The following BDP1 variants were observed in gnomAD, a reference collection of about 807,000 sequenced individuals.
The protein encoded by BDP1 is transcription factor TFIIIB component B'' homolog.
In BDP1, 169 loss-of-function variants were observed where a neutral mutation model predicts 266.6. The observed-to-expected ratio is 0.63, with a 90% CI of 0.56 to 0.72. The LOEUF (loss-of-function observed/expected upper bound fraction) is 0.72. BDP1 is among the 30% of genes least tolerant of loss of function. The pLI is 0.00. For synonymous variants in BDP1, 1,090 were observed against 1,022.4 expected (o/e 1.07, Z -1.26); for missense variants, 3,015 against 3,053.8 (o/e 0.99, Z 0.30).
intron 10 of BDP1, 152 bp from the exon 11 acceptor site, chr5:71,490,832 G>A: frequency 1.5e-6 from 1 of 656,068 alleles, no homozygotes; most frequent in Non-Finnish European, 2.3e-6. Context: ...TTTTTATTAT[G>A]GTCTAAAAAT....
At chr5:71,574,359 C>G in the BDP1 span, among the ~76,000 whole-genome samples, 1 of 152,302 alleles carries the variant, frequency 6.6e-6, no homozygotes, top group Non-Finnish European at 1.5e-5. Flanking sequence ...AATGGCACCC[C>G]CCTGTCAGGA....
chr5:71,525,163 C>T (rs938943128), intron 25 of BDP1, among the ~76,000 whole-genome samples: 11 of 152,202 alleles, frequency 7.2e-5, no homozygotes, highest in South Asian at 2.1e-4. Context: ...ACCTCGCAGA[C>T]GGGGTGGTGG....
chr5:71,545,122 C>T lies in BDP1; in HGVS notation c.6647C>T (p.Thr2216Ile). 1 of 1,613,744 alleles carries T rather than the reference C, an allele frequency of 6.2e-7. No individual in the cohort carries two copies. The highest frequency in any genetic ancestry group is 1.1e-5 in the South Asian group (1 of 91,054). Residue 2216 changes from threonine to isoleucine, a missense_variant, in exon 32 of 39, where the codon ACA (threonine) becomes ATA (isoleucine). Coordinates refer to ENST00000358731, the MANE Select transcript of BDP1 (RefSeq NM_018429.3). Reference protein sequence around the residue: ...PVASSETGPCTLGLDRGLGEN... With the variant: ...PVASSETGPCILGLDRGLGEN... ...GCTTCCTCTGAGACAGGGCCCTGCACACTTGGTTTGGATAGGGGTCTTGGT... is the reference window on the plus strand; with the variant it reads ...GCTTCCTCTGAGACAGGGCCCTGCATACTTGGTTTGGATAGGGGTCTTGGT...
chr5:71,461,956 C>CTTT, intron 3 of BDP1, 30 bp downstream of exon 3: 1 of 725,310 alleles, frequency 1.4e-6, no homozygotes, highest in Admixed American at 2.7e-5. Context: ...GCTTTACTAT[C>CTTT]TCTTTTTTTT....
At chr5:71,493,914 A>G (rs977582063) in intron 11 of BDP1, among the ~76,000 whole-genome samples, 2 of 152,240 alleles carry the variant, frequency 1.3e-5, no homozygotes, top group African/African-American at 4.8e-5. Flanking sequence ...TTGTGTTACC[A>G]TATCCGCTAA....
chr5:71,516,330 T>C, intron 21 of BDP1, 59 bp downstream of exon 21: 1 of 1,279,030 alleles, frequency 7.8e-7, no homozygotes. Flanking sequence ...TGTCAAGTTA[T>C]AGCTCAGACA....
chr5:71,536,509 A>G (rs896603516), intron 26 of BDP1, among the ~76,000 whole-genome samples: 3 of 152,212 alleles, frequency 2.0e-5, no homozygotes, highest in African/African-American at 7.2e-5. Flanking sequence ...AGCCATGATC[A>G]AGGAGTGGTT....
At chr5:71,460,876 A>G (rs1457652814) in intron 2 of BDP1, among the ~76,000 whole-genome samples, 12 of 47,320 alleles carry the variant, frequency 2.5e-4, no homozygotes, top group Non-Finnish European at 5.6e-5. Flanking sequence ...ACTACAGGGT[A>G]AAAAAAAAGC....
At chr5:71,571,290 G>A (rs531323150), downstream of BDP1, among the ~76,000 whole-genome samples, 5 of 152,126 alleles carry the variant, frequency 3.3e-5, no homozygotes, top group Non-Finnish European at 7.4e-5. Flanking sequence ...GACTATAGGT[G>A]CATGCCACCG....
rs1744118142 is a variant in BDP1 at position 71,567,779 on chromosome 5, T to C, written c.*2894T>C. 2 of 152,266 alleles carry C rather than the reference T, an allele frequency of 1.3e-5. No individual in the cohort carries two copies. Among genetic ancestry groups the C allele is most frequent in the Non-Finnish European group, 2.9e-5 (2 of 67,948 alleles). 9.4% of individuals were successfully genotyped at this position (152,266 alleles called of 1,614,324 possible). On this transcript the variant is annotated 3_prime_UTR_variant, in exon 39 of 39. Coordinates refer to ENST00000358731, the MANE Select transcript of BDP1 (RefSeq NM_018429.3). ...TTTCTTGTTCTAAAGAAAGCAGTTA[T>C]ATATATATATAAATTATGTAAATAA...
intron 25 of BDP1, among the ~76,000 whole-genome samples, chr5:71,530,197 T>A (rs879723047): frequency 7.9e-5 from 12 of 152,156 alleles, no homozygotes; most frequent in African/African-American, 2.2e-4. Flanking sequence ...ATCTGAACTT[T>A]AAAATTTTTT....
chr5:71,497,608 A>G (rs560402781), intron 13 of BDP1, among the ~76,000 whole-genome samples, 182 bp downstream of exon 13: 1 of 152,348 alleles, frequency 6.6e-6, no homozygotes, highest in South Asian at 2.1e-4. Flanking sequence ...CATTTTCTTT[A>G]ACCTGGGATG....
chr5:71,519,272 G>T (rs989289753), intron 22 of BDP1, among the ~76,000 whole-genome samples: 8 of 146,350 alleles, frequency 5.5e-5, no homozygotes, highest in Middle Eastern at 7.0e-3. Context: ...TACCAGATCA[G>T]AGTAACTGGG....
intron 25 of BDP1, among the ~76,000 whole-genome samples, chr5:71,526,590 T>C (rs1375481631): frequency 1.8e-5 from 2 of 113,846 alleles, no homozygotes; most frequent in Non-Finnish European, 3.3e-5. Context: ...CACTCCAGCC[T>C]GGGAGACAGA....
In BDP1 at chr5:71,564,944, A is replaced by G; in HGVS notation, c.*59A>G. ...GTCTAGGATTTCCAGAGTCAATTAC[A>G]TCAACAAAACAGTATTTAGAGCAAA... On this transcript the variant is annotated 3_prime_UTR_variant, in exon 39 of 39. Coordinates refer to ENST00000358731, the MANE Select transcript of BDP1 (RefSeq NM_018429.3). The G allele has an allele frequency of 6.7e-7, 1 of 1,483,224 alleles. No individual in the cohort carries two copies. Among genetic ancestry groups the G allele is most frequent in the Non-Finnish European group, 9.1e-7 (1 of 1,095,366 alleles). The allele number at this position is 1,483,224 out of a possible 1,614,324, so 91.9% of individuals were successfully genotyped here.
chr5:71,505,826 A>G (rs2150455878), intron 16 of BDP1, among the ~76,000 whole-genome samples: 2 of 152,150 alleles, frequency 1.3e-5, no homozygotes, highest in South Asian at 4.2e-4. Context: ...GGGCCACTTT[A>G]CTCCAGCCAG....
In BDP1 at chr5:71,497,359, C is replaced by T. The variant is rs1466722205; in HGVS notation, c.1889C>T (p.Ser630Leu). 3 of 1,613,740 alleles carry T rather than the reference C, an allele frequency of 1.9e-6. No homozygotes were observed. ...AATTTGTCAAGGGCTGGGAAGAAAT[C>T]AGTTCTTTCACAAGGCAAAACAGAG... ...KPNLSRAGKK[S>L]VLSQGKTESE... Residue 630 changes from serine to leucine, a missense_variant, in exon 13 of 39, where the codon TCA (serine) becomes TTA (leucine). Ser to Leu is a moderately radical substitution (Grantham distance 145). This residue lies in a region of BDP1 where 2,383 missense variants were observed against 2,404.9 expected (regional missense o/e 0.99). Coordinates refer to ENST00000358731, the MANE Select transcript of BDP1 (RefSeq NM_018429.3).
intron 32 of BDP1, among the ~76,000 whole-genome samples, chr5:71,545,999 A>G (rs2150574136): frequency 6.6e-6 from 1 of 152,204 alleles, no homozygotes; most frequent in East Asian, 1.9e-4. Flanking sequence ...CCTGTTTCCA[A>G]GAACAAACCA....
chr5:71,569,713 C>A (rs549873032), downstream of BDP1, among the ~76,000 whole-genome samples: 13 of 152,228 alleles, frequency 8.5e-5, no homozygotes, highest in South Asian at 2.5e-3. Flanking sequence ...CCACTGTACT[C>A]CAGCGTGGGT....
Sources: gnomAD v4.1 joint callset for allele counts (sites outside exome capture counted in the v4.1 genomes callset) on GRCh38, gnomAD v4.1.1 for gene constraint, gnomAD v4.1.1 regional missense constraint, MANE v1.5 for transcripts, NCBI Gene and HGNC (gene_info 2026-07-23, HGNC 2026-07-21) for gene names.